Variants in RILPL2 observed in about 807,000 individuals in gnomAD.
RILPL2 encodes Rab interacting lysosomal protein like 2, also known as RILP-like protein 2.
RILPL2 carries 19 observed loss-of-function variants against 22.2 expected under a neutral mutation model. The observed-to-expected ratio is 0.86, with a 90% confidence interval of 0.60 to 1.25. The LOEUF is 1.25. RILPL2 is among the 50% of genes most tolerant of loss of function. The pLI is 0.00. For missense variants in RILPL2, 243 were observed against 263.6 expected, an observed-to-expected ratio of 0.92 and a Z score of 0.54; for synonymous variants, 123 against 111.6, an observed-to-expected ratio of 1.10 and a Z score of -0.64.
intron 3 of RILPL2, among the ~76,000 whole-genome samples, chr12:123,416,533 G>C (rs1266108766): frequency 6.8e-6 from 1 of 147,260 alleles, no homozygotes; most frequent in Non-Finnish European, 1.5e-5. Context: ...CAGCTGCCTC[G>C]GGAGGCTGAG....
At chr12:123,426,779 T>C (rs1879454123) in intron 2 of RILPL2, among the ~76,000 whole-genome samples, 2 of 151,648 alleles carry the variant, frequency 1.3e-5, no homozygotes, top group Non-Finnish European at 2.9e-5. Flanking sequence ...TTTTTTTATA[T>C]TTTTAGTAGA....
At chr12:123,410,089 C>T (rs1429798175), downstream of RILPL2, among the ~76,000 whole-genome samples, 6 of 151,992 alleles carry the variant, frequency 3.9e-5, no homozygotes, top group African/African-American at 1.4e-4. Flanking sequence ...CTTAATGATC[C>T]ACCCGCCTCG....
At chr12:123,429,176 G>A (rs1378586696) in intron 2 of RILPL2, among the ~76,000 whole-genome samples, 3 of 151,834 alleles carry the variant, frequency 2.0e-5, no homozygotes, top group African/African-American at 7.3e-5. Flanking sequence ...TCTTTTTAGA[G>A]ACAGGGTCTT....
chr12:123,433,043 TC>T (rs1879695703), intron 1 of RILPL2, among the ~76,000 whole-genome samples: 1 of 151,700 alleles, frequency 6.6e-6, no homozygotes, highest in South Asian at 2.1e-4. Context: ...ACTTCATACT[TC>T]CATGTGAATT....
At chr12:123,430,704 AATTATT>A (rs750085601) in intron 1 of RILPL2, 45 bp from the exon 2 acceptor site, 5 of 1,223,408 alleles carry the variant, frequency 4.1e-6, no homozygotes, top group Admixed American at 7.9e-5. Flanking sequence ...TATATAATTA[AATTATT>A]ATTATTATTA....
chr12:123,409,550 C>CTTTTT, the RILPL2 span, among the ~76,000 whole-genome samples: 2 of 122,186 alleles, frequency 1.6e-5, no homozygotes, highest in African/African-American at 6.0e-5. Context: ...AAAGTTAATG[C>CTTTTT]TTTTTTTTTT....
Position 123,423,139 on chromosome 12 carries a change from T to C in RILPL2, c.510A>G (p.Arg170=). 1.2e-6 allele frequency: 2 copies of C among 1,612,670 alleles called. No individual in the cohort carries two copies. Among genetic ancestry groups the C allele is most frequent in the Non-Finnish European group, 1.7e-6 (2 of 1,179,020 alleles). The change falls in exon 3 of 4, where the codon AGA becomes AGG. Residue 170 remains arginine (R), a synonymous_variant. Transcript: ENST00000280571. ...TTTCTCTTCTTCCTCCTGGGCCTTC[T>C]CTTGGTGGAATCAGGCCACTGGGAA... ...QCYKSGLIPP[R]EGPGGRREKD...
chr12:123,430,234 T>C lies in RILPL2; in HGVS notation c.491+274A>G, dbSNP rs535184570. ...ACCATTCTGCCTAACACGGTGAAAC[T>C]CCGTTTCTACTAAAAATACAAAAAA... On this transcript the variant is annotated intron_variant, in intron 2 of 3. Coordinates refer to ENST00000280571, the MANE Select transcript of RILPL2 (RefSeq NM_145058.3). Among the ~76,000 whole-genome samples, 556 of 139,560 alleles carry C rather than the reference T, an allele frequency of 4.0e-3. 5 individuals carry two copies. The highest frequency in any genetic ancestry group is 0.013 in the African/African-American group (475 of 37,376). 91.6% of individuals were successfully genotyped at this position (139,560 alleles called of 152,430 possible). A position where few individuals can be genotyped will look rare whatever the true frequency, so the allele number is the denominator to read the frequency against.
At chr12:123,426,104 C>T (rs766659114) in intron 2 of RILPL2, among the ~76,000 whole-genome samples, 11 of 151,682 alleles carry the variant, frequency 7.3e-5, no homozygotes, top group Admixed American at 3.9e-4. Flanking sequence ...CCACCAAACC[C>T]GGCCTAAATT....
At position 123,436,539 on chromosome 12, in the gene RILPL2, G is replaced by C. The variant is rs1254140098; in HGVS notation, c.-119C>G. 13 of 1,438,218 alleles carry C rather than the reference G, an allele frequency of 9.0e-6. No individual in the cohort carries two copies. In the Admixed American group the frequency reaches 1.6e-4, roughly 18 times the overall value. 89.1% of individuals were successfully genotyped at this position (1,438,218 alleles called of 1,614,324 possible). On this transcript the variant is annotated 5_prime_UTR_variant, in exon 1 of 4. Transcript: ENST00000280571. This position sits in a 1 kb window ranked among gnomAD's most constrained non-coding sequence, Gnocchi z 6.7. ...GAGTCCCTACCTGCCCAATCAGCGC[G>C]GCCCGGGGGTGGGCCCGGGGGGATG...
At chr12:123,424,482 C>T (rs1311159587) in intron 2 of RILPL2, among the ~76,000 whole-genome samples, 1 of 152,042 alleles carries the variant, frequency 6.6e-6, no homozygotes, top group African/African-American at 2.4e-5. Flanking sequence ...CAGGTGTGCA[C>T]CACCACGCCT....
intron 2 of RILPL2, among the ~76,000 whole-genome samples, chr12:123,428,062 C>G (rs1879492679): frequency 6.6e-6 from 1 of 152,190 alleles, no homozygotes; most frequent in Admixed American, 6.6e-5. Flanking sequence ...GTGGTTTTGC[C>G]CACTAACAAG....
At chr12:123,435,984 A>G in intron 1 of RILPL2, 98 bp downstream of exon 1, 8 of 1,421,512 alleles carry the variant, frequency 5.6e-6, no homozygotes, top group Non-Finnish European at 7.4e-6. Context: ...AAAAGAGAAA[A>G]GAGAAGAGAA....
chr12:123,427,642 AG>A (rs1593492601), intron 2 of RILPL2, among the ~76,000 whole-genome samples: 6 of 151,792 alleles, frequency 4.0e-5, no homozygotes, highest in African/African-American at 1.5e-4. Flanking sequence ...CCTGGGTACA[AG>A]CAATTCTCCT....
intron 2 of RILPL2, 76 bp downstream of exon 2, chr12:123,430,432 C>A (rs1879606224): frequency 2.8e-6 from 4 of 1,424,534 alleles, no homozygotes; most frequent in Non-Finnish European, 3.7e-6. Context: ...CAAAACAAAA[C>A]AAAAACAAAT....
At chr12:123,429,049 G>A (rs560577053) in intron 2 of RILPL2, among the ~76,000 whole-genome samples, 3 of 152,252 alleles carry the variant, frequency 2.0e-5, no homozygotes, top group African/African-American at 2.4e-5. Flanking sequence ...AAATAGCTAC[G>A]AGTCTCAACG....
At chr12:123,416,738 G>A (rs187717358) in intron 3 of RILPL2, among the ~76,000 whole-genome samples, 92 of 152,288 alleles carry the variant, frequency 6.0e-4, no homozygotes, top group African/African-American at 1.9e-3. Context: ...GTGGCCTCAC[G>A]CTCATTAGCC....
intron 3 of RILPL2, 53 bp downstream of exon 3, chr12:123,422,991 A>G (rs1303849491): frequency 2.7e-5 from 36 of 1,309,398 alleles, no homozygotes; most frequent in East Asian, 4.6e-5. Context: ...GCCCCCGACT[A>G]CTTCCTTGAG....
At chr12:123,433,509 G>A (rs146116593) in intron 1 of RILPL2, among the ~76,000 whole-genome samples, 33 of 152,286 alleles carry the variant, frequency 2.2e-4, no homozygotes, top group African/African-American at 7.9e-4. Flanking sequence ...CTGCCACCCG[G>A]GTTCAAGTGA....
Sources: allele counts gnomAD v4.1 joint callset (sites outside exome capture counted in the v4.1 genomes callset), GRCh38; gene constraint gnomAD v4.1.1; non-coding constraint Gnocchi (gnomAD v3.1); transcripts MANE v1.5; gene names NCBI Gene and HGNC (gene_info 2026-07-23, HGNC 2026-07-21).